Variants in RPH3A observed in about 807,000 individuals in gnomAD.
RPH3A encodes the protein rabphilin 3A.
In RPH3A, 48 loss-of-function variants were observed where a neutral mutation model predicts 102.2. That is an observed-to-expected ratio of 0.47 (90% CI 0.37 to 0.60). RPH3A has a LOEUF of 0.60. Ranked by LOEUF, RPH3A falls within the 20% of genes least tolerant of loss-of-function variation. The probability of loss-of-function intolerance (pLI) is 0.00; values close to 1 mark genes in which losing one functional copy is unlikely to be tolerated. For synonymous variants in RPH3A, 310 were observed against 324.3 expected, an observed-to-expected ratio of 0.96 and a Z score of 0.47; for missense variants, 781 against 910.1, an observed-to-expected ratio of 0.86 and a Z score of 1.83.
chr12:112,695,202 A>G (rs1185072594), intron 1 of RPH3A: 4 of 169,062 alleles, frequency 2.4e-5, no homozygotes, highest in African/African-American at 9.6e-5. Context: ...AATTTTGGCA[A>G]CCCTAATCCA....
At chr12:112,654,923 C>T (rs1260301582) in intron 1 of RPH3A, among the ~76,000 whole-genome samples, 1 of 152,184 alleles carries the variant, frequency 6.6e-6, no homozygotes, top group Admixed American at 6.5e-5. Context: ...AAGGCTTGTT[C>T]TTCTCCTCTA....
chr12:112,815,821 T>C (rs112771988), intron 2 of RPH3A, among the ~76,000 whole-genome samples: 1,831 of 152,312 alleles, frequency 0.012, 20 homozygotes, highest in Non-Finnish European at 0.019. Context: ...CTGAAATCAA[T>C]TCTGAGCCTT....
intron 1 of RPH3A, among the ~76,000 whole-genome samples, chr12:112,654,535 G>C (rs1040401407): frequency 6.6e-6 from 1 of 151,998 alleles, no homozygotes; most frequent in African/African-American, 2.4e-5. Context: ...GTCTCAACCA[G>C]AGCTTTGTCG....
At chr12:112,654,478 G>A (rs2039996940) in intron 1 of RPH3A, among the ~76,000 whole-genome samples, 2 of 151,750 alleles carry the variant, frequency 1.3e-5, no homozygotes, top group Admixed American at 1.3e-4. Context: ...ACCTCTAGGA[G>A]CTCCTCAGTG....
rs539726615 is a variant in RPH3A, at chr12:112,855,755, G to A, written c.230+7913G>A. Among the ~76,000 whole-genome samples, 56 of 152,218 alleles carry A rather than the reference G, an allele frequency of 3.7e-4. No individual in the cohort carries two copies. In the South Asian group the frequency reaches 0.011, roughly 30 times the overall value. On this transcript the variant is annotated intron_variant, in intron 5 of 21. Transcript: ENST00000389385. Reference sequence around the variant, plus strand: ...AGCCATTTCCCCATTCCCAGCAGATGGCCCAATTTTGACTTCAGAAAGTGC... The same window carrying A: ...AGCCATTTCCCCATTCCCAGCAGATAGCCCAATTTTGACTTCAGAAAGTGC...
intron 2 of RPH3A, among the ~76,000 whole-genome samples, chr12:112,799,108 A>G (rs2041291426): frequency 6.6e-6 from 1 of 151,882 alleles, no homozygotes; most frequent in African/African-American, 2.4e-5. Flanking sequence ...GAGGCAGACC[A>G]GGGATGATGG....
intron 1 of RPH3A, among the ~76,000 whole-genome samples, chr12:112,681,653 AC>A (rs2040227003): frequency 6.6e-6 from 1 of 152,192 alleles, no homozygotes; most frequent in African/African-American, 2.4e-5. Flanking sequence ...GTGAATAATG[AC>A]TTTTTTGAGG....
intron 1 of RPH3A, among the ~76,000 whole-genome samples, chr12:112,603,395 A>T (rs1378464074): frequency 6.6e-6 from 1 of 152,148 alleles, no homozygotes; most frequent in Non-Finnish European, 1.5e-5. Flanking sequence ...CCACAGTGCA[A>T]AGCAAAAGCA....
chr12:112,670,320 T>A (rs1343916829), intron 1 of RPH3A, among the ~76,000 whole-genome samples: 4 of 152,118 alleles, frequency 2.6e-5, no homozygotes, highest in Admixed American at 6.5e-5. Flanking sequence ...GTTGCTGGGA[T>A]TACAGGTGTG....
In RPH3A at chr12:112,868,484, C is replaced by T. The variant is rs1252424369; in HGVS notation, c.499C>T (p.Pro167Ser). 1 of 1,614,080 alleles carries T rather than the reference C, an allele frequency of 6.2e-7. No individual in the cohort carries two copies. The highest frequency in any genetic ancestry group is 8.5e-7 in the Non-Finnish European group (1 of 1,180,034). ...FFKGFPKQVL[P>S]QPMPIKKTKP... ...CAAAGGCTTCCCCAAACAGGTCCTC[C>T]CACAGCCTATGCCTATAAAGAAGAC... The change falls in exon 8 of 22, where the codon CCA (proline) becomes TCA (serine). Residue 167 changes from proline (P) to serine (S), a missense_variant. Physicochemically the swap from Pro to Ser is moderately conservative, Grantham distance 74. Coordinates refer to ENST00000389385, the MANE Select transcript of RPH3A (RefSeq NM_001143854.2).
intron 2 of RPH3A, among the ~76,000 whole-genome samples, chr12:112,818,563 T>C (rs1354695411): frequency 1.3e-5 from 2 of 152,084 alleles, no homozygotes; most frequent in Non-Finnish European, 2.9e-5. Context: ...GAATGCTTCT[T>C]TCCACATAGT....
chr12:112,774,072 A>AG (rs1237375022), intron 1 of RPH3A, among the ~76,000 whole-genome samples: 1 of 151,158 alleles, frequency 6.6e-6, no homozygotes, highest in Non-Finnish European at 1.5e-5. Context: ...GCAAAAAAAA[A>AG]AAAAAGAAAA....
chr12:112,742,277 T>C (rs2040714570), intron 1 of RPH3A, among the ~76,000 whole-genome samples: 2 of 152,164 alleles, frequency 1.3e-5, no homozygotes, highest in South Asian at 4.2e-4. Flanking sequence ...AGAACATTAT[T>C]AAGGCATTCT....
chr12:112,710,861 T>C (rs1036420671), intron 1 of RPH3A, among the ~76,000 whole-genome samples: 2 of 152,222 alleles, frequency 1.3e-5, no homozygotes, highest in African/African-American at 4.8e-5. Flanking sequence ...TCCCTTCCTT[T>C]TATCTTGAAC....
chr12:112,806,548 A>G (rs1218494618), intron 2 of RPH3A, among the ~76,000 whole-genome samples: 1 of 152,120 alleles, frequency 6.6e-6, no homozygotes. Flanking sequence ...GGCATTGCTT[A>G]AACCTGGGAG....
chr12:112,754,057 C>T (rs2040804184), intron 1 of RPH3A, among the ~76,000 whole-genome samples: 1 of 152,094 alleles, frequency 6.6e-6, no homozygotes, highest in Non-Finnish European at 1.5e-5. Context: ...CCCTAGAGCC[C>T]ACAGAAGGAG....
At chr12:112,768,253 C>T (rs1212386324) in intron 1 of RPH3A, among the ~76,000 whole-genome samples, 1 of 152,164 alleles carries the variant, frequency 6.6e-6, no homozygotes, top group African/African-American at 2.4e-5. Context: ...CCCCTTGCTC[C>T]CCATCAGAAC....
At chr12:112,595,444 C>G (rs1200634206) in intron 1 of RPH3A, among the ~76,000 whole-genome samples, 1 of 152,154 alleles carries the variant, frequency 6.6e-6, no homozygotes, top group Non-Finnish European at 1.5e-5. Flanking sequence ...AAATATTTCC[C>G]TTAGCTGAGA....
intron 2 of RPH3A, among the ~76,000 whole-genome samples, chr12:112,822,492 C>T (rs1174032445): frequency 1.3e-5 from 2 of 152,302 alleles, no homozygotes; most frequent in East Asian, 3.9e-4. Context: ...GATGGAACCA[C>T]TGTTCCTTAG....
Sources: gnomAD v4.1 joint callset for allele counts (sites outside exome capture counted in the v4.1 genomes callset) on GRCh38, gnomAD v4.1.1 for gene constraint, MANE v1.5 for transcripts, NCBI Gene and HGNC (gene_info 2026-07-23, HGNC 2026-07-21) for gene names.